Variants in CADM2 observed in about 807,000 individuals in gnomAD.
CADM2 encodes the protein immunoglobulin superfamily member 4D.
A neutral mutation model predicts 49.8 loss-of-function variants in CADM2; 12 were observed. The observed-to-expected ratio is 0.24, with a 90% confidence interval of 0.15 to 0.39. CADM2 has a LOEUF of 0.39. CADM2 is among the 10% of genes least tolerant of loss of function. The probability of loss-of-function intolerance (pLI) is 1.00; values close to 1 mark genes in which losing one functional copy is unlikely to be tolerated. For missense variants in CADM2, 378 were observed against 492.3 expected, an observed-to-expected ratio of 0.77 and a Z score of 2.20; for synonymous variants, 214 against 175.4, an observed-to-expected ratio of 1.22 and a Z score of -1.74.
intron 1 of CADM2, among the ~76,000 whole-genome samples, chr3:85,409,486 G>A (rs932644145): frequency 6.6e-6 from 1 of 152,194 alleles, no homozygotes; most frequent in East Asian, 1.9e-4. Flanking sequence ...CAGAGATATG[G>A]TCAGGGGCCA....
intron 1 of CADM2, among the ~76,000 whole-genome samples, chr3:85,272,653 G>C (rs2043268240): frequency 6.6e-6 from 1 of 151,256 alleles, no homozygotes; most frequent in African/African-American, 2.4e-5. Context: ...ACTAAAAACA[G>C]TACCAGTTGT....
intron 8 of CADM2, among the ~76,000 whole-genome samples, chr3:86,042,460 T>A (rs6780895): frequency 0.034 from 5,189 of 152,138 alleles, 173 homozygotes; most frequent in African/African-American, 0.083. Flanking sequence ...CCTCCATGCA[T>A]ATAAATTAGA....
intron 1 of CADM2, among the ~76,000 whole-genome samples, chr3:85,103,751 C>G (rs186148158): frequency 6.6e-6 from 1 of 152,052 alleles, no homozygotes; most frequent in African/African-American, 2.4e-5. Flanking sequence ...AAAGCACATA[C>G]GAAACAATAT....
intron 1 of CADM2, among the ~76,000 whole-genome samples, chr3:84,999,363 A>G (rs1222395657): frequency 6.6e-6 from 1 of 152,144 alleles, no homozygotes; most frequent in Non-Finnish European, 1.5e-5. Flanking sequence ...TTTAATATAT[A>G]TCGTTGAATC....
rs141507571 is a variant in CADM2 at position 86,010,798 on chromosome 3, C to T, written c.970+49151C>T. 5.4e-3 allele frequency among the ~76,000 whole-genome samples: 821 copies of T among 151,114 alleles called. 8 individuals carry two copies. Among genetic ancestry groups the T allele is most frequent in the African/African-American group, 0.019 (776 of 41,338 alleles). On this transcript the variant is annotated intron_variant, in intron 8 of 9. Coordinates refer to ENST00000383699, the MANE Select transcript of CADM2 (RefSeq NM_001167675.2). ...GCTCTAGAATCACTAGTTAATCCAA[C>T]TAAGAAAAGAAAAATAAATTATTAA... is the stretch of plus-strand genomic sequence containing the variant.
At chr3:85,710,276 C>G (rs2067077516) in intron 1 of CADM2, among the ~76,000 whole-genome samples, 1 of 152,122 alleles carries the variant, frequency 6.6e-6, no homozygotes. Context: ...AAAGACTTCT[C>G]TTGCTCTAGA....
intron 8 of CADM2, chr3:85,979,287 C>A (rs1474647537): frequency 9.9e-6 from 16 of 1,609,266 alleles, no homozygotes; most frequent in Non-Finnish European, 1.7e-6. Flanking sequence ...ATCAGAGGTA[C>A]AGTATGTTTC....
chr3:85,717,935 A>G (rs1018602684), intron 1 of CADM2, among the ~76,000 whole-genome samples: 1 of 151,764 alleles, frequency 6.6e-6, no homozygotes, highest in African/African-American at 2.4e-5. Flanking sequence ...GCCTGGCTAA[A>G]TTTTTTGTAT....
At position 85,751,008 on chromosome 3, in the gene CADM2, A is replaced by C. The variant is rs959140913; in HGVS notation, c.88+24460A>C. On this transcript the variant is annotated intron_variant, in intron 2 of 9. Transcript: ENST00000383699. ...AAGAGAGGAATTTAATATCAACTAA[A>C]ACAAGCATAAAAGAACATTTTGAAA... Among the ~76,000 whole-genome samples the C allele has an allele frequency of 2.6e-5, 4 of 152,232 alleles. 1 individual carries two copies. The South Asian group carries it at 8.3e-4, about 32-fold the overall frequency.
chr3:85,494,612 A>G (rs11929182), intron 1 of CADM2, among the ~76,000 whole-genome samples: 28,237 of 152,176 alleles, frequency 0.19, 3,157 homozygotes, highest in East Asian at 0.45. Context: ...TGAAAACAAT[A>G]TTAGACATGG....
At chr3:85,747,440 C>T (rs376347844) in intron 2 of CADM2, among the ~76,000 whole-genome samples, 54 of 152,074 alleles carry the variant, frequency 3.6e-4, no homozygotes, top group African/African-American at 1.2e-3. Context: ...ATTGTCTGCC[C>T]TCCAATTAGA....
At chr3:85,554,136 G>T (rs2061888802) in intron 1 of CADM2, among the ~76,000 whole-genome samples, 1 of 151,490 alleles carries the variant, frequency 6.6e-6, no homozygotes, top group African/African-American at 2.4e-5. Flanking sequence ...TGAATTAGGG[G>T]CTGGGGGGCG....
chr3:85,842,951 T>A (rs984214678), intron 3 of CADM2, among the ~76,000 whole-genome samples: 9 of 152,250 alleles, frequency 5.9e-5, no homozygotes, highest in African/African-American at 2.2e-4. Context: ...ATTGTGGACA[T>A]GCATTCATAT....
intron 8 of CADM2, among the ~76,000 whole-genome samples, chr3:85,966,988 G>A (rs905075553): frequency 1.3e-5 from 2 of 151,646 alleles, no homozygotes; most frequent in Admixed American, 6.6e-5. Flanking sequence ...TATGTGCTTT[G>A]ATCTACTAAA....
intron 6 of CADM2, among the ~76,000 whole-genome samples, chr3:85,917,015 G>A (rs1718434094): frequency 6.6e-6 from 1 of 151,206 alleles, no homozygotes; most frequent in Admixed American, 6.6e-5. Flanking sequence ...TTTTTGATGG[G>A]GTTTTTTTTT....
At chr3:85,190,300 C>G (rs533168774) in intron 1 of CADM2, among the ~76,000 whole-genome samples, 1 of 152,182 alleles carries the variant, frequency 6.6e-6, no homozygotes, top group South Asian at 2.1e-4. Context: ...TTTTTCTTCT[C>G]TCCTTTTTGT....
intron 1 of CADM2, among the ~76,000 whole-genome samples, chr3:85,496,008 T>C (rs1317239746): frequency 6.6e-6 from 1 of 152,190 alleles, no homozygotes; most frequent in Non-Finnish European, 1.5e-5. Context: ...ATGATTCCTA[T>C]GAATAATTAT....
At chr3:85,488,057 C>T (rs1226048128) in intron 1 of CADM2, among the ~76,000 whole-genome samples, 2 of 152,066 alleles carry the variant, frequency 1.3e-5, no homozygotes, top group Non-Finnish European at 2.9e-5. Context: ...TTAAAAAATA[C>T]TTTGTACACA....
intron 1 of CADM2, among the ~76,000 whole-genome samples, chr3:85,573,566 A>G (rs1300552719): frequency 6.6e-6 from 1 of 152,190 alleles, no homozygotes; most frequent in African/African-American, 2.4e-5. Context: ...GTAACATTGT[A>G]AAAGGCACTG....
Sources: gnomAD v4.1 joint callset for allele counts (sites outside exome capture counted in the v4.1 genomes callset) on GRCh38, gnomAD v4.1.1 for gene constraint, MANE v1.5 for transcripts, NCBI Gene and HGNC (gene_info 2026-07-23, HGNC 2026-07-21) for gene names.